The following DRGX variants were observed in gnomAD, a reference collection of about 807,000 sequenced individuals.
The protein encoded by DRGX is dorsal root ganglia homeobox.
In DRGX, 21 loss-of-function variants were observed where a neutral mutation model predicts 28.6. The observed-to-expected ratio is 0.73, with a 90% CI of 0.52 to 1.06. The LOEUF is 1.06. Ranked by LOEUF, DRGX falls within the 50% of genes least tolerant of loss-of-function variation. The pLI is 0.00. For synonymous variants in DRGX, 136 were observed against 139.1 expected (o/e 0.98, Z 0.16); for missense variants, 354 against 343.9 (o/e 1.03, Z -0.23).
At chr10:49,371,885 T>C (rs888908098) in intron 6 of DRGX, among the ~76,000 whole-genome samples, 1 of 151,822 alleles carries the variant, frequency 6.6e-6, no homozygotes. Context: ...GATTCTCCTA[T>C]GTGCAAAGTG....
chr10:49,374,828 G>A (rs977086992), intron 6 of DRGX, among the ~76,000 whole-genome samples: 5 of 152,190 alleles, frequency 3.3e-5, no homozygotes, highest in Admixed American at 3.3e-4. Context: ...CCAGTGACAA[G>A]GAGAGCTCTC....
chr10:49,365,925 C>T lies in DRGX; in HGVS notation c.*191G>A, dbSNP rs1052249188. 98 of 552,812 alleles carry T rather than the reference C, an allele frequency of 1.8e-4. No individual in the cohort carries two copies. Among genetic ancestry groups the T allele is most frequent in the South Asian group, 6.4e-4 (13 of 20,410 alleles). The allele number at this position is 552,812 out of a possible 1,614,324, so 34.2% of individuals were successfully genotyped here. ...GCCAAAGAAGCCAGGACAACACTGC[C>T]GCACTGGTGGGACTCCAGAGGGACG... On this transcript the variant is annotated 3_prime_UTR_variant, in exon 7 of 7. Transcript: ENST00000374139.
Position 49,380,213 on chromosome 10 carries a change from C to G in DRGX, c.526+6265G>C, listed in dbSNP as rs1207405311. Among the ~76,000 whole-genome samples the G allele has an allele frequency of 2.0e-5, 3 of 152,222 alleles. No individual in the cohort carries two copies. In the East Asian group the frequency reaches 5.8e-4, roughly 29 times the overall value. ...GAGCGTGCAGTGAGTTATGAAAGCT[C>G]TACCCTGGCAGCTGTAATTATGTCC... On this transcript the variant is annotated intron_variant, in intron 6 of 6. Transcript: ENST00000374139.
chr10:49,374,063 C>T lies in DRGX; in HGVS notation c.527-7682G>A, dbSNP rs1295856119. On this transcript the variant is annotated intron_variant, in intron 6 of 6. Coordinates refer to ENST00000374139, the MANE Select transcript of DRGX (RefSeq NM_001276451.2). ...CAGTGGCTGGTTCTGGGTGTTGAGG[C>T]TATGAATTTTTTTTATTTGTGTTTT... Among the ~76,000 whole-genome samples, 5 of 152,194 alleles carry T rather than the reference C, an allele frequency of 3.3e-5. No homozygotes were observed. The East Asian group carries it at 5.8e-4, about 18-fold the overall frequency.
intron 6 of DRGX, among the ~76,000 whole-genome samples, chr10:49,376,231 C>G (rs1238510514): frequency 6.6e-6 from 1 of 152,162 alleles, no homozygotes; most frequent in East Asian, 1.9e-4. Context: ...AAAGAGATCT[C>G]CTACAAATCT....
At position 49,395,991 on chromosome 10, in the gene DRGX, T is replaced by C. The variant is rs1161457279; in HGVS notation, c.-138A>G. The C allele has an allele frequency of 6.6e-6, 1 of 152,480 alleles. No homozygotes were observed. 9.4% of individuals were successfully genotyped at this position (152,480 alleles called of 1,614,324 possible). On this transcript the variant is annotated 5_prime_UTR_variant, in exon 1 of 7. Transcript: ENST00000374139. ...GTGACCGCCTCCGATCCGCAAGCCC[T>C]GCTCGGCTGGCGGCGGGCGGGGCTC...
At chr10:49,391,543 G>A (rs980998347) in intron 2 of DRGX, among the ~76,000 whole-genome samples, 2 of 152,132 alleles carry the variant, frequency 1.3e-5, no homozygotes, top group South Asian at 2.1e-4. Flanking sequence ...TCTGAACCAG[G>A]AAGGGTCACT....
At chr10:49,381,749 C>G (rs1019532580) in intron 6 of DRGX, among the ~76,000 whole-genome samples, 5 of 152,226 alleles carry the variant, frequency 3.3e-5, no homozygotes, top group African/African-American at 1.2e-4. Context: ...ACAGAACAGC[C>G]TTGGCTTGGA....
At chr10:49,371,383 T>G (rs973259231) in intron 6 of DRGX, among the ~76,000 whole-genome samples, 2 of 152,198 alleles carry the variant, frequency 1.3e-5, no homozygotes, top group Non-Finnish European at 2.9e-5. Context: ...CCAGGCACAG[T>G]GGCTCGCACC....
chr10:49,395,751 C>T (rs1849961974), intron 1 of DRGX, among the ~76,000 whole-genome samples, 184 bp downstream of exon 1: 1 of 152,188 alleles, frequency 6.6e-6, no homozygotes, highest in African/African-American at 2.4e-5. Flanking sequence ...GCCCCAGCAC[C>T]AAACCCCGCA....
chr10:49,395,711 C>CA (rs1376700937), intron 1 of DRGX, among the ~76,000 whole-genome samples, 190 bp from the exon 2 acceptor site: 1 of 152,196 alleles, frequency 6.6e-6, no homozygotes, highest in Non-Finnish European at 1.5e-5. Context: ...CGGGTGTGTC[C>CA]ACCTCCCGGA....
At chr10:49,377,959 A>G (rs1849733818) in intron 6 of DRGX, among the ~76,000 whole-genome samples, 1 of 152,220 alleles carries the variant, frequency 6.6e-6, no homozygotes, top group South Asian at 2.1e-4. Flanking sequence ...CAAACTCCCT[A>G]AAGAAAACAT....
At position 49,372,461 on chromosome 10, in the gene DRGX, C is replaced by G. The variant is rs554392182; in HGVS notation, c.527-6080G>C. On this transcript the variant is annotated intron_variant, in intron 6 of 6. Coordinates refer to ENST00000374139, the MANE Select transcript of DRGX (RefSeq NM_001276451.2). ...GACACGGGACCCGCCTTCATCCACTCAAGCTTCAGCTTCTTCGCCTTAACA... is the reference window on the plus strand; with the variant it reads ...GACACGGGACCCGCCTTCATCCACTGAAGCTTCAGCTTCTTCGCCTTAACA... Among the ~76,000 whole-genome samples, 5 of 152,320 alleles carry G rather than the reference C, an allele frequency of 3.3e-5. No individual in the cohort carries two copies. In the South Asian group the frequency reaches 1.0e-3, roughly 32 times the overall value.
chr10:49,369,607 G>A (rs1440248874), intron 6 of DRGX, among the ~76,000 whole-genome samples: 1 of 152,060 alleles, frequency 6.6e-6, no homozygotes, highest in South Asian at 2.1e-4. Context: ...AGGGGAAGTG[G>A]GAATTGTTCG....
Position 49,365,138 on chromosome 10 carries a change from T to C in DRGX, c.*978A>G, listed in dbSNP as rs995997787. 2.6e-5 allele frequency: 4 copies of C among 152,212 alleles called. No homozygotes were observed. Among genetic ancestry groups the C allele is most frequent in the African/African-American group, 4.8e-5 (2 of 41,428 alleles). 9.4% of individuals were successfully genotyped at this position (152,212 alleles called of 1,614,324 possible). On this transcript the variant is annotated 3_prime_UTR_variant, in exon 7 of 7. Coordinates refer to ENST00000374139, the MANE Select transcript of DRGX (RefSeq NM_001276451.2). ...CGCCGTTCCTGTCTCCTTTCCTACT[T>C]TTTTTTCCCCAGTAAAAAACCACCA... is the stretch of plus-strand genomic sequence containing the variant.
chr10:49,378,608 G>A (rs1228926824), intron 6 of DRGX, among the ~76,000 whole-genome samples: 1 of 152,220 alleles, frequency 6.6e-6, no homozygotes, highest in Non-Finnish European at 1.5e-5. Context: ...AATAAGGCCA[G>A]ATGCCTGTTT....
chr10:49,377,597 C>A (rs1849729759), intron 6 of DRGX, among the ~76,000 whole-genome samples: 1 of 152,198 alleles, frequency 6.6e-6, no homozygotes, highest in Non-Finnish European at 1.5e-5. Flanking sequence ...ATCCAACCAC[C>A]ATTCAACCCT....
intron 2 of DRGX, 81 bp from the exon 3 acceptor site, chr10:49,391,342 C>G: frequency 9.7e-7 from 1 of 1,035,282 alleles, no homozygotes; most frequent in Non-Finnish European, 1.5e-6. Context: ...CAGAGGGCAC[C>G]CACCTGACCC....
intron 2 of DRGX, among the ~76,000 whole-genome samples, chr10:49,392,529 A>G (rs1476756182): frequency 6.6e-6 from 1 of 152,244 alleles, no homozygotes; most frequent in African/African-American, 2.4e-5. Flanking sequence ...TTACTTTGCA[A>G]GAAAACAAAT....
Sources: gnomAD v4.1 joint callset for allele counts (sites outside exome capture counted in the v4.1 genomes callset) on GRCh38, gnomAD v4.1.1 for gene constraint, MANE v1.5 for transcripts, NCBI Gene and HGNC (gene_info 2026-07-23, HGNC 2026-07-21) for gene names.